NLRC5: variants seen among roughly 807,000 people sequenced by gnomAD.
NLRC5 encodes the protein NLR family CARD domain containing 5, also known as protein NLRC5.
NLRC5 carries 114 observed loss-of-function variants against 206.9 expected under a neutral mutation model. That is an observed-to-expected ratio of 0.55 (90% CI 0.47 to 0.64). The LOEUF is 0.64. Among genes scored for constraint, NLRC5 ranks in the 30% least tolerant of loss-of-function variants. The probability of loss-of-function intolerance (pLI) is 0.00; values close to 1 mark genes in which losing one functional copy is unlikely to be tolerated. For synonymous variants in NLRC5, 952 were observed against 962.8 expected (o/e 0.99, Z 0.21); for missense variants, 2,008 against 2,305.5 (o/e 0.87, Z 2.64).
intron 24 of NLRC5, among the ~76,000 whole-genome samples, chr16:57,051,918 T>C (rs535941844): frequency 3.9e-4 from 59 of 152,022 alleles, no homozygotes; most frequent in African/African-American, 1.3e-3. Flanking sequence ...CCCCGCCCAT[T>C]CCCCCAGAGT....
chr16:57,058,494 C>T (rs1627144), intron 28 of NLRC5: 224,649 of 354,924 alleles, frequency 0.63, 74,688 homozygotes, highest in African/African-American at 0.92. Flanking sequence ...TGGTCCATCC[C>T]GTCCCTGAAA....
rs866303781 is a variant in NLRC5 at position 57,026,210 on chromosome 16, C to T, written c.1267C>T (p.His423Tyr). Residue 423 changes from histidine to tyrosine, a missense_variant, in exon 6 of 49, where the codon CAC (histidine) becomes TAC (tyrosine). Physicochemically the swap from His to Tyr is moderately conservative, Grantham distance 83. Transcript: ENST00000688547. Reference protein sequence around the residue: ...CLCLHHLLPDHAPGQSVALLP... With the variant: ...CLCLHHLLPDYAPGQSVALLP... ...CTGCCTCCACCATCTGCTTCCTGAC[C>T]ACGCCCCAGGCCAGTCTGTGGCCCT... 1.9e-6 allele frequency: 3 copies of T among 1,613,632 alleles called. No homozygotes were observed. The African/African-American group carries it at 4.0e-5, about 22-fold the overall frequency.
intron 1 of NLRC5, among the ~76,000 whole-genome samples, chr16:57,005,740 A>G (rs1195823451): frequency 5.9e-5 from 9 of 152,002 alleles, no homozygotes; most frequent in African/African-American, 2.2e-4. Context: ...GCAAGATGGC[A>G]AAACCCCATC....
chr16:57,022,602 G>T (rs1052503943), intron 4 of NLRC5, among the ~76,000 whole-genome samples: 1 of 152,136 alleles, frequency 6.6e-6, no homozygotes, highest in Non-Finnish European at 1.5e-5. Flanking sequence ...TTTCCTGCCC[G>T]CAACCCGCAG....
chr16:57,012,074 G>A (rs1433910047), intron 1 of NLRC5, among the ~76,000 whole-genome samples: 6 of 152,216 alleles, frequency 3.9e-5, no homozygotes, highest in Non-Finnish European at 8.8e-5. Flanking sequence ...CCCAGGCCCA[G>A]GCAACCAGTA....
rs2142530445 is a variant in NLRC5, at chr16:57,009,232, A to G, written c.-127-7842A>G. Among the ~76,000 whole-genome samples the G allele has an allele frequency of 2.6e-5, 4 of 152,272 alleles. No homozygotes were observed. The South Asian group carries it at 8.3e-4, about 32-fold the overall frequency. On this transcript the variant is annotated intron_variant, in intron 1 of 48. Transcript: ENST00000688547. ...CTTGAACCCAAGAGGTGGAGGTTGC[A>G]GTGAGCCGAGACCTTGCCATTGCTC... is the stretch of plus-strand genomic sequence containing the variant.
intron 1 of NLRC5, among the ~76,000 whole-genome samples, chr16:57,009,395 C>T (rs928135699): frequency 1.3e-5 from 2 of 152,004 alleles, no homozygotes; most frequent in Non-Finnish European, 2.9e-5. Flanking sequence ...AGATCGAGAC[C>T]ATCCTGGCTG....
At chr16:57,001,888 C>A (rs1242602003) in intron 1 of NLRC5, among the ~76,000 whole-genome samples, 1 of 152,170 alleles carries the variant, frequency 6.6e-6, no homozygotes, top group Admixed American at 6.5e-5. Flanking sequence ...CCACCTCCCC[C>A]ACCCTGGCCT....
chr16:57,078,462 C>A (rs886070285), intron 43 of NLRC5, among the ~76,000 whole-genome samples: 10 of 131,900 alleles, frequency 7.6e-5, no homozygotes, highest in Admixed American at 3.2e-4. Flanking sequence ...AGTGCTGGGA[C>A]CTTGTTTTTT....
In NLRC5 at chr16:57,064,465, A is replaced by G. The variant is rs553704593; in HGVS notation, c.4155-747A>G. On this transcript the variant is annotated intron_variant, in intron 32 of 48. Transcript: ENST00000688547. ...TAAACAACCACCATGAACATTTAAT[A>G]TATTTTCCTATGTTTTCCACACATC... 5.9e-5 allele frequency among the ~76,000 whole-genome samples: 9 copies of G among 152,372 alleles called. No individual in the cohort carries two copies. The South Asian group carries it at 1.9e-3, about 32-fold the overall frequency.
Position 57,082,589 on chromosome 16 carries a change from C to G in NLRC5, c.*61C>G. 7.8e-7 allele frequency: 1 copy of G among 1,289,182 alleles called. No homozygotes were observed. The highest frequency in any genetic ancestry group is 1.1e-6 in the Non-Finnish European group (1 of 895,952). The allele number at this position is 1,289,182 out of a possible 1,614,324, so 79.9% of individuals were successfully genotyped here. On this transcript the variant is annotated 3_prime_UTR_variant, in exon 49 of 49. Coordinates refer to ENST00000688547, the MANE Select transcript of NLRC5 (RefSeq NM_001384950.1). Reference sequence around the variant, plus strand: ...ATGCACCCAAATGATCCACCTTTCGCCCACTGGGATAATTGACTCAGGAAA... The same window carrying G: ...ATGCACCCAAATGATCCACCTTTCGGCCACTGGGATAATTGACTCAGGAAA...
intron 45 of NLRC5, 90 bp downstream of exon 45, chr16:57,079,382 G>T: frequency 1.4e-6 from 2 of 1,460,778 alleles, no homozygotes; most frequent in Non-Finnish European, 1.9e-6. Context: ...GGAGGCCTTT[G>T]AAGTGATAGA....
intron 1 of NLRC5, among the ~76,000 whole-genome samples, chr16:56,999,640 G>A (rs1240731046): frequency 1.1e-4 from 16 of 152,270 alleles, no homozygotes; most frequent in Non-Finnish European, 2.9e-5. Context: ...GGGGCACGAG[G>A]TGCCAAGAAA....
chr16:57,072,745 A>C (rs1394710648), intron 38 of NLRC5, among the ~76,000 whole-genome samples: 1 of 139,876 alleles, frequency 7.1e-6, no homozygotes, highest in Admixed American at 7.2e-5. Context: ...TGTAACAAAT[A>C]ACATGAAATG....
At chr16:57,064,297 C>T (rs1275461899) in intron 32 of NLRC5, among the ~76,000 whole-genome samples, 1 of 152,100 alleles carries the variant, frequency 6.6e-6, no homozygotes, top group East Asian at 1.9e-4. Flanking sequence ...AAAAATTCAG[C>T]ATAACTTTAA....
intron 1 of NLRC5, among the ~76,000 whole-genome samples, chr16:56,991,379 CTTTTTTTT>C (rs55678024): frequency 1.2e-4 from 13 of 105,906 alleles, no homozygotes; most frequent in African/African-American, 3.2e-4. Context: ...TTCTTTATTC[CTTTTTTTT>C]TTTTTTTTTT....
chr16:57,001,721 C>T (rs2058282634), intron 1 of NLRC5, among the ~76,000 whole-genome samples: 1 of 152,134 alleles, frequency 6.6e-6, no homozygotes, highest in South Asian at 2.1e-4. Flanking sequence ...GTTTCCATCA[C>T]CTCAAGCATT....
chr16:57,079,527 T>TGCCCTTCTCCATCCCCA lies in NLRC5; in HGVS notation c.5238-15_5239dup, dbSNP rs754992006. On this transcript the variant is annotated intron_variant, in intron 45 of 48. Coordinates refer to ENST00000688547, the MANE Select transcript of NLRC5 (RefSeq NM_001384950.1). ...CTCAAACAACCCCCATCCCATCCCA[T>TGCCCTTCTCCATCCCCA]GCCCTTCTCCATCCCCAGCCTGGTT... 2 of 1,609,700 alleles carry TGCCCTTCTCCATCCCCA rather than the reference T, an allele frequency of 1.2e-6. No homozygotes were observed. Among genetic ancestry groups the TGCCCTTCTCCATCCCCA allele is most frequent in the Non-Finnish European group, 1.7e-6 (2 of 1,176,040 alleles).
chr16:57,062,090 C>A, intron 32 of NLRC5: 1 of 1,206,386 alleles, frequency 8.3e-7, no homozygotes, highest in Non-Finnish European at 1.1e-6. Flanking sequence ...AACTCCTATT[C>A]CCAGAACCTA....
Sources: allele counts gnomAD v4.1 joint callset (sites outside exome capture counted in the v4.1 genomes callset), GRCh38; gene constraint gnomAD v4.1.1; transcripts MANE v1.5; gene names NCBI Gene and HGNC (gene_info 2026-07-23, HGNC 2026-07-21).